BCAR3: variants seen among roughly 807,000 people sequenced by gnomAD.
BCAR3 encodes the protein BCAR3 adaptor protein, NSP family member, also known as breast cancer anti-estrogen resistance protein 3.
A neutral mutation model predicts 80.1 loss-of-function variants in BCAR3; 37 were observed. The ratio of observed to expected loss-of-function variants is 0.46; its 90% CI spans 0.36 to 0.61. The LOEUF (loss-of-function observed/expected upper bound fraction) is 0.61, where lower values mean the gene tolerates loss of function less well. BCAR3 is among the 20% of genes least tolerant of loss of function. The pLI is 0.00. For missense variants in BCAR3, 978 were observed against 1,068.2 expected, an observed-to-expected ratio of 0.92 and a Z score of 1.18; for synonymous variants, 389 against 418.9, an observed-to-expected ratio of 0.93 and a Z score of 0.87.
intron 2 of BCAR3, among the ~76,000 whole-genome samples, chr1:93,737,789 G>A (rs1016411784): frequency 2.6e-5 from 4 of 152,114 alleles, no homozygotes; most frequent in Admixed American, 2.6e-4. Flanking sequence ...AAAAGTTTCT[G>A]TTTGGGTGGT....
intron 2 of BCAR3, among the ~76,000 whole-genome samples, chr1:93,658,616 C>A (rs1490634427): frequency 6.6e-6 from 1 of 152,174 alleles, no homozygotes; most frequent in Non-Finnish European, 1.5e-5. Context: ...GGCACCACTG[C>A]ACTCCAGCCT....
At position 93,613,730 on chromosome 1, in the gene BCAR3, CCT is replaced by C. The variant is rs946107158; in HGVS notation, c.358-21339_358-21338del. On this transcript the variant is annotated intron_variant, in intron 3 of 11. Transcript: ENST00000260502. ...GAAGACCCATCAGTCAAAGAAAGCA[CCT>C]CTGTTTTCACAATCAGCAAGCTGCA... 85 of 1,280,480 alleles carry C rather than the reference CCT, an allele frequency of 6.6e-5. No homozygotes were observed. In the African/African-American group the frequency reaches 1.1e-3, roughly 16 times the overall value. The allele number at this position is 1,280,480 out of a possible 1,614,324, so 79.3% of individuals were successfully genotyped here.
chr1:93,668,910 C>T (rs867456008), intron 2 of BCAR3, among the ~76,000 whole-genome samples: 1 of 152,062 alleles, frequency 6.6e-6, no homozygotes, highest in African/African-American at 2.4e-5. Flanking sequence ...CAGGGTTTCA[C>T]CATGTTGGCC....
intron 7 of BCAR3, among the ~76,000 whole-genome samples, chr1:93,580,608 G>A (rs1196561898): frequency 6.6e-6 from 1 of 151,858 alleles, no homozygotes; most frequent in African/African-American, 2.4e-5. Flanking sequence ...TATTTACAAA[G>A]CATATACGTT....
At chr1:93,821,353 A>G (rs1261178766) in intron 2 of BCAR3, among the ~76,000 whole-genome samples, 1 of 152,210 alleles carries the variant, frequency 6.6e-6, no homozygotes, top group African/African-American at 2.4e-5. Flanking sequence ...AAAGGCCTGT[A>G]GAGAGCTCTG....
At chr1:93,737,916 T>C (rs985802862) in intron 2 of BCAR3, among the ~76,000 whole-genome samples, 2 of 152,200 alleles carry the variant, frequency 1.3e-5, no homozygotes, top group African/African-American at 4.8e-5. Context: ...CACTGTAACC[T>C]TGAAATCCTG....
At chr1:93,799,998 T>C (rs1478816513) in intron 2 of BCAR3, among the ~76,000 whole-genome samples, 1 of 152,224 alleles carries the variant, frequency 6.6e-6, no homozygotes, top group East Asian at 1.9e-4. Flanking sequence ...ATCTTGTTAA[T>C]GGTTCTCTAA....
intron 3 of BCAR3, among the ~76,000 whole-genome samples, chr1:93,627,685 T>A (rs1675493012): frequency 6.6e-6 from 1 of 152,236 alleles, no homozygotes; most frequent in South Asian, 2.1e-4. Flanking sequence ...GAAATGCTCA[T>A]CAAGTAAAAA....
rs1654546810 is a variant in BCAR3, at chr1:93,831,096, T to A, written c.-63+14471A>T. Among the ~76,000 whole-genome samples, 8 of 152,296 alleles carry A rather than the reference T, an allele frequency of 5.3e-5. No individual in the cohort carries two copies. The South Asian group carries it at 1.7e-3, about 32-fold the overall frequency. ...CAGTCTTCCCTTGGTGTTTAATCAC[T>A]GTGGGGACGCCTGCCTGATTATTCG... On this transcript the variant is annotated intron_variant, in intron 2 of 13. Coordinates refer to the BCAR3 transcript ENST00000370244.
At chr1:93,596,037 A>C (rs1362906665) in intron 3 of BCAR3, among the ~76,000 whole-genome samples, 1 of 152,224 alleles carries the variant, frequency 6.6e-6, no homozygotes, top group Non-Finnish European at 1.5e-5. Flanking sequence ...CTAGCAATTT[A>C]AGGTAACACA....
At chr1:93,806,010 C>A in intron 2 of BCAR3, among the ~76,000 whole-genome samples, 1 of 151,052 alleles carries the variant, frequency 6.6e-6, no homozygotes, top group East Asian at 1.9e-4. Flanking sequence ...AGAAATCTCC[C>A]AAGTATAGAT....
upstream of BCAR3, among the ~76,000 whole-genome samples, chr1:93,685,963 C>A (rs1168579660): frequency 6.6e-6 from 1 of 151,648 alleles, no homozygotes; most frequent in African/African-American, 2.4e-5. Context: ...ATTTGTAGGT[C>A]TTTTTCTTAC....
At chr1:93,614,615 T>C (rs182748764) in intron 3 of BCAR3, among the ~76,000 whole-genome samples, 2 of 152,294 alleles carry the variant, frequency 1.3e-5, no homozygotes, top group East Asian at 1.9e-4. Context: ...GCTGATAACG[T>C]TGGCACAGCC....
chr1:93,804,788 T>C (rs1355735881), intron 2 of BCAR3, among the ~76,000 whole-genome samples: 1 of 152,242 alleles, frequency 6.6e-6, no homozygotes, highest in East Asian at 1.9e-4. Flanking sequence ...ACAATTTGTT[T>C]ATCCATTCAT....
At position 93,567,836 on chromosome 1, in the gene BCAR3, T is replaced by C. The variant is rs1296365221; in HGVS notation, c.1990A>G (p.Lys664Glu). 12 of 1,613,780 alleles carry C rather than the reference T, an allele frequency of 7.4e-6. No individual in the cohort carries two copies. Among genetic ancestry groups the C allele is most frequent in the African/African-American group, 1.3e-5 (1 of 74,928 alleles). The change falls in exon 10 of 12, where the codon AAG becomes GAG. Residue 664 changes from lysine to glutamate, a missense_variant. Physicochemically the swap from Lys to Glu is moderately conservative, Grantham distance 56. Coordinates refer to ENST00000260502, the MANE Select transcript of BCAR3 (RefSeq NM_003567.4). ...TGGTGCCGCAGAGCAGTCCACGTCT[T>C]TTCTAACCTTGTGATCTGGAAGAAA... The part of the protein sequence containing the change: ...LEMPQITRLE[K>E]TWTALRHQYT...
At chr1:93,742,750 T>C (rs1651220746) in intron 2 of BCAR3, among the ~76,000 whole-genome samples, 1 of 152,342 alleles carries the variant, frequency 6.6e-6, no homozygotes, top group South Asian at 2.1e-4. Flanking sequence ...TCTGCTGAAG[T>C]AGATTATTTT....
intron 2 of BCAR3, among the ~76,000 whole-genome samples, chr1:93,844,678 G>A (rs1222420396): frequency 1.3e-5 from 2 of 151,080 alleles, no homozygotes; most frequent in Non-Finnish European, 2.9e-5. Context: ...CCACACACCT[G>A]ACCTTGTTTG....
intron 2 of BCAR3, among the ~76,000 whole-genome samples, chr1:93,742,779 C>CT (rs926072993): frequency 6.6e-6 from 1 of 152,134 alleles, no homozygotes; most frequent in East Asian, 1.9e-4. Context: ...AAACAGGGGT[C>CT]TTTTTTTGTA....
At chr1:93,722,366 G>A (rs2100671572) in intron 2 of BCAR3, among the ~76,000 whole-genome samples, 1 of 152,328 alleles carries the variant, frequency 6.6e-6, no homozygotes, top group Admixed American at 6.5e-5. Flanking sequence ...ATTCTTGGCA[G>A]TCAAACAATA....
Sources: gnomAD v4.1 joint callset for allele counts (sites outside exome capture counted in the v4.1 genomes callset) on GRCh38, gnomAD v4.1.1 for gene constraint, MANE v1.5 for transcripts, NCBI Gene and HGNC (gene_info 2026-07-23, HGNC 2026-07-21) for gene names.